The following ELMOD1 variants were observed in gnomAD, a reference collection of about 807,000 sequenced individuals.
ELMOD1 encodes ELMO domain containing 1, also known as ELMO domain-containing protein 1.
A neutral mutation model predicts 46.7 loss-of-function variants in ELMOD1; 21 were observed. The ratio of observed to expected loss-of-function variants is 0.45; its 90% confidence interval spans 0.32 to 0.65. The LOEUF (loss-of-function observed/expected upper bound fraction) is 0.65, where lower values mean the gene tolerates loss of function less well. ELMOD1 is among the 30% of genes least tolerant of loss of function. The probability of loss-of-function intolerance (pLI) is 0.04; values close to 1 mark genes in which losing one functional copy is unlikely to be tolerated. For synonymous variants in ELMOD1, 122 were observed against 138.2 expected (o/e 0.88, Z 0.82); for missense variants, 348 against 407.8 (o/e 0.85, Z 1.26).
At chr11:107,627,064 C>T (rs556094334) in intron 2 of ELMOD1, among the ~76,000 whole-genome samples, 9 of 152,220 alleles carry the variant, frequency 5.9e-5, no homozygotes, top group Admixed American at 3.3e-4. Flanking sequence ...AAATAAATTA[C>T]ACCTGTCAAA....
Position 107,605,718 on chromosome 11 carries a change from G to A in ELMOD1, c.-85-12387G>A, listed in dbSNP as rs375740518. 1.2e-4 allele frequency among the ~76,000 whole-genome samples: 19 copies of A among 152,200 alleles called. 1 individual carries two copies. Among genetic ancestry groups the A allele is most frequent in the African/African-American group, 4.1e-4 (17 of 41,526 alleles). Reference sequence around the variant, plus strand: ...CTCTGGATGAGTGTTTTATTCATGAGGGGAAAAAACCTTCTTTGTTGTCAT... The same window carrying A: ...CTCTGGATGAGTGTTTTATTCATGAAGGGAAAAAACCTTCTTTGTTGTCAT... On this transcript the variant is annotated intron_variant, in intron 1 of 11. Coordinates refer to ENST00000265840, the MANE Select transcript of ELMOD1 (RefSeq NM_018712.4).
At chr11:107,640,871 CCATT>C (rs1284473499) in intron 6 of ELMOD1, among the ~76,000 whole-genome samples, 1 of 152,130 alleles carries the variant, frequency 6.6e-6, no homozygotes, top group East Asian at 1.9e-4. Flanking sequence ...AAATGTATGA[CCATT>C]CATCAACACC....
At chr11:107,619,069 A>T (rs150195255) in intron 2 of ELMOD1, among the ~76,000 whole-genome samples, 1 of 152,270 alleles carries the variant, frequency 6.6e-6, no homozygotes, top group Non-Finnish European at 1.5e-5. Context: ...ATCTTTTAAG[A>T]AATGATTTGA....
rs188133170 is a variant in ELMOD1 at position 107,648,434 on chromosome 11, G to A, written c.554+833G>A. ...AAGAGATTCAGATTGACATCACAGC[G>A]GGAGGCCTTCAGTGTCCCTCCACTC... On this transcript the variant is annotated intron_variant, in intron 7 of 11. Transcript: ENST00000265840. Among the ~76,000 whole-genome samples, 443 of 152,298 alleles carry A rather than the reference G, an allele frequency of 2.9e-3. 1 individual carries two copies. The highest frequency in any genetic ancestry group is 4.9e-3 in the Non-Finnish European group (335 of 68,018).
intron 6 of ELMOD1, among the ~76,000 whole-genome samples, chr11:107,641,069 A>T (rs369975085): frequency 1.3e-3 from 197 of 152,316 alleles, no homozygotes; most frequent in African/African-American, 4.5e-3. Flanking sequence ...AGGAAGGTGG[A>T]TCACCTGAGG....
At chr11:107,640,772 T>C in intron 6 of ELMOD1, among the ~76,000 whole-genome samples, 1 of 152,216 alleles carries the variant, frequency 6.6e-6, no homozygotes, top group East Asian at 1.9e-4. Flanking sequence ...CCTTCTGTGC[T>C]TTATCAAAAA....
At chr11:107,596,065 A>G (rs1865487937) in intron 1 of ELMOD1, among the ~76,000 whole-genome samples, 1 of 152,098 alleles carries the variant, frequency 6.6e-6, no homozygotes, top group Admixed American at 6.5e-5. Flanking sequence ...ATAACTGTAG[A>G]TTCAAAAGTC....
chr11:107,632,475 C>T (rs956479089), intron 5 of ELMOD1, among the ~76,000 whole-genome samples: 2 of 152,080 alleles, frequency 1.3e-5, no homozygotes, highest in Admixed American at 1.3e-4. Context: ...AGCACACTTG[C>T]GTAGGTCTAT....
chr11:107,664,576 A>G (rs1174208876), intron 11 of ELMOD1, among the ~76,000 whole-genome samples: 2 of 152,152 alleles, frequency 1.3e-5, no homozygotes, highest in Admixed American at 6.5e-5. Context: ...GTCAGAATGC[A>G]TTTGTTTGAT....
At chr11:107,600,190 A>G (rs652243) in intron 1 of ELMOD1, among the ~76,000 whole-genome samples, 21,097 of 152,140 alleles carry the variant, frequency 0.14, 1,963 homozygotes, top group African/African-American at 0.27. Flanking sequence ...AGCAAATCCC[A>G]GATACCATAT....
intron 2 of ELMOD1, among the ~76,000 whole-genome samples, chr11:107,620,663 C>T (rs568248735): frequency 3.9e-5 from 6 of 152,252 alleles, no homozygotes; most frequent in Admixed American, 6.5e-5. Flanking sequence ...GTCAAGAGAT[C>T]GAGACCATCC....
intron 9 of ELMOD1, 109 bp downstream of exon 9, chr11:107,651,017 AT>A: frequency 1.6e-6 from 1 of 635,344 alleles, no homozygotes; most frequent in Non-Finnish European, 2.3e-6. Context: ...AAAAGCCAAC[AT>A]TTTCAAACCT....
At chr11:107,604,178 T>G (rs2135656535) in intron 1 of ELMOD1, among the ~76,000 whole-genome samples, 1 of 152,326 alleles carries the variant, frequency 6.6e-6, no homozygotes, top group Admixed American at 6.5e-5. Context: ...TCATGTTTTC[T>G]TTGTGTTAAA....
At chr11:107,638,482 G>T (rs1164326285) in intron 6 of ELMOD1, among the ~76,000 whole-genome samples, 4 of 152,042 alleles carry the variant, frequency 2.6e-5, no homozygotes, top group African/African-American at 9.7e-5. Context: ...GGTAGCTAAG[G>T]GCTCTGAGCT....
intron 1 of ELMOD1, among the ~76,000 whole-genome samples, chr11:107,601,455 G>T (rs879068286): frequency 1.5e-5 from 2 of 130,188 alleles, no homozygotes; most frequent in African/African-American, 2.9e-5. Flanking sequence ...TCACTCTGTC[G>T]CCCAGGCTGG....
chr11:107,635,916 C>A (rs1866222133), intron 6 of ELMOD1, among the ~76,000 whole-genome samples, 151 bp downstream of exon 6: 1 of 152,172 alleles, frequency 6.6e-6, no homozygotes, highest in Admixed American at 6.5e-5. Context: ...AGTTTTCTCG[C>A]TGGTTCAGGT....
intron 2 of ELMOD1, among the ~76,000 whole-genome samples, chr11:107,621,893 G>A (rs566438630): frequency 8.5e-5 from 13 of 152,072 alleles, no homozygotes; most frequent in South Asian, 6.2e-4. Flanking sequence ...TGGTCATGGC[G>A]GTGGGTGCCT....
At chr11:107,637,742 C>T (rs1866254120) in intron 6 of ELMOD1, among the ~76,000 whole-genome samples, 1 of 151,988 alleles carries the variant, frequency 6.6e-6, no homozygotes, top group Non-Finnish European at 1.5e-5. Flanking sequence ...ATCCATACAG[C>T]ACCCTAAGGT....
At chr11:107,660,520 C>T (rs1866720696) in intron 11 of ELMOD1, among the ~76,000 whole-genome samples, 1 of 152,106 alleles carries the variant, frequency 6.6e-6, no homozygotes, top group South Asian at 2.1e-4. Context: ...TTTCTTTGAC[C>T]TCCAAAAGAA....
Sources: gnomAD v4.1 joint callset for allele counts (sites outside exome capture counted in the v4.1 genomes callset) on GRCh38, gnomAD v4.1.1 for gene constraint, MANE v1.5 for transcripts, NCBI Gene and HGNC (gene_info 2026-07-23, HGNC 2026-07-21) for gene names.